Variants in ZNF574 observed in about 807,000 individuals in gnomAD.
ZNF574 encodes the protein zinc finger protein 574.
Under a neutral mutation model 56.6 loss-of-function variants are expected in ZNF574, and 25 were observed. The observed-to-expected ratio is 0.44, with a 90% CI of 0.32 to 0.62. The LOEUF is 0.62. Among genes scored for constraint, ZNF574 ranks in the 20% least tolerant of loss-of-function variants. The pLI, the probability that ZNF574 is intolerant of heterozygous loss-of-function variation, is 0.04. For missense variants in ZNF574, 1,065 were observed against 1,218.9 expected, an observed-to-expected ratio of 0.87 and a Z score of 1.88; for synonymous variants, 543 against 492.1, an observed-to-expected ratio of 1.10 and a Z score of -1.37.
chr19:42,069,651 C>T (rs1422695733), intron 1 of ZNF574, among the ~76,000 whole-genome samples: 2 of 129,500 alleles, frequency 1.5e-5, no homozygotes, highest in Admixed American at 1.7e-4. Context: ...CCGGGCCGGC[C>T]TGGGGGGGCC....
At position 42,078,689 on chromosome 19, in the gene ZNF574, T is replaced by C; in HGVS notation, c.83T>C (p.Leu28Pro). 1.2e-6 allele frequency: 2 copies of C among 1,614,066 alleles called. No individual in the cohort carries two copies. Among genetic ancestry groups the C allele is most frequent in the Non-Finnish European group, 1.7e-6 (2 of 1,179,986 alleles). Residue 28 changes from leucine (L) to proline (P), a missense_variant, in exon 2 of 2, where the codon CTG becomes CCG. Physicochemically the swap from Leu to Pro is moderately conservative, Grantham distance 98. Coordinates refer to ENST00000359044, the MANE Select transcript of ZNF574 (RefSeq NM_022752.6). The stretch of plus-strand genomic sequence containing the variant: ...GAGTGCAACCAGCTGTATGGATCAC[T>C]GGAAGAGGTGCTTATGCACCAAAAC... ...CSECNQLYGS[L>P]EEVLMHQNSH... is the part of the protein sequence containing the mutation.
chr19:42,079,486 C>T lies in ZNF574; in HGVS notation c.880C>T (p.Arg294Trp), dbSNP rs754665702. The part of the protein sequence containing the change: ...IGRDRRGRRA[R>W]RNNSGEAGGA... Reference sequence around the variant, plus strand: ...GCGGGATCGCCGGGGGCGCAGGGCCCGGAGGAACAACAGTGGAGAAGCAGG... The same window carrying T: ...GCGGGATCGCCGGGGGCGCAGGGCCTGGAGGAACAACAGTGGAGAAGCAGG... The change falls in exon 2 of 2, where the codon CGG becomes TGG. Residue 294 changes from arginine to tryptophan, a missense_variant. Transcript: ENST00000359044. The surrounding 1 kb of genome is among the most constrained non-coding windows in gnomAD (Gnocchi z 4.3). 8.7e-6 allele frequency: 14 copies of T among 1,613,656 alleles called. No homozygotes were observed. The highest frequency in any genetic ancestry group is 6.7e-5 in the Admixed American group (4 of 60,010).
Position 42,079,270 on chromosome 19 carries a change from C to T in ZNF574, c.664C>T (p.Leu222Phe). The change falls in exon 2 of 2, where the codon CTC becomes TTC. Residue 222 changes from leucine to phenylalanine, a missense_variant. Coordinates refer to ENST00000359044, the MANE Select transcript of ZNF574 (RefSeq NM_022752.6). The surrounding 1 kb of genome is among the most constrained non-coding windows in gnomAD (Gnocchi z 4.3). ...LLYKCSECSQ[L>F]FQLPADFLEH... is the part of the protein sequence containing the mutation. Reference sequence around the variant, plus strand: ...CTACAAGTGCTCTGAGTGCTCCCAGCTCTTCCAGCTGCCGGCGGATTTCCT... The same window carrying T: ...CTACAAGTGCTCTGAGTGCTCCCAGTTCTTCCAGCTGCCGGCGGATTTCCT... 2 of 1,614,144 alleles carry T rather than the reference C, an allele frequency of 1.2e-6. No individual in the cohort carries two copies. The highest frequency in any genetic ancestry group is 1.7e-6 in the Non-Finnish European group (2 of 1,180,020).
chr19:42,072,134 T>C (rs535919426), upstream of ZNF574, among the ~76,000 whole-genome samples: 67 of 152,008 alleles, frequency 4.4e-4, 1 homozygote, highest in Middle Eastern at 3.4e-3. Context: ...TCCTATATGA[T>C]CTGGAGAAAA....
Position 42,080,820 on chromosome 19 carries a change from A to G in ZNF574, c.2214A>G (p.Leu738=), listed in dbSNP as rs747830905. Residue 738 remains leucine (L), a synonymous_variant, in exon 2 of 2, where the codon CTA becomes CTG. Transcript: ENST00000359044. The surrounding 1 kb of genome is among the most constrained non-coding windows in gnomAD (Gnocchi z 8.5). The part of the protein sequence containing the change: ...SPAAPARRRG[L]ECSECKKLFS... The stretch of plus-strand genomic sequence containing the variant: ...CGGCCCCTGCCCGCCGCCGGGGTCT[A>G]GAGTGCAGCGAGTGCAAGAAGCTGT... 1.5e-5 allele frequency: 25 copies of G among 1,613,910 alleles called. No homozygotes were observed. The highest frequency in any genetic ancestry group is 1.9e-5 in the Non-Finnish European group (23 of 1,180,022).
rs1336835404 is a variant in ZNF574 at position 42,080,785 on chromosome 19, G to T, written c.2179G>T (p.Ala727Ser). The change falls in exon 2 of 2, where the codon GCA becomes TCA. Residue 727 changes from alanine (A) to serine (S), a missense_variant. Physicochemically the swap from Ala to Ser is moderately conservative, Grantham distance 99. Transcript: ENST00000359044. This position sits in a 1 kb window ranked among gnomAD's most constrained non-coding sequence, Gnocchi z 8.5. The part of the protein sequence containing the change: ...SPAALGSTAT[A>S]SPAAPARRRG... The stretch of plus-strand genomic sequence containing the variant: ...AGCAGCCCTTGGAAGCACTGCTACA[G>T]CATCCCCTGCGGCCCCTGCCCGCCG... 1 of 1,614,036 alleles carries T rather than the reference G, an allele frequency of 6.2e-7. No individual in the cohort carries two copies. The highest frequency in any genetic ancestry group is 2.2e-5 in the East Asian group (1 of 44,882).
chr19:42,079,567 C>G lies in ZNF574; in HGVS notation c.961C>G (p.Pro321Ala). ...AGCCTGTGACCAGCTCTTTCTCTCA[C>G]CCCACCAGCTACAGCAGCACCTGCG... ...CSACDQLFLS[P>A]HQLQQHLRSH... The change falls in exon 2 of 2, where the codon CCC (proline) becomes GCC (alanine). Residue 321 changes from proline (P) to alanine (A), a missense_variant. Pro to Ala is a conservative substitution (Grantham distance 27). Coordinates refer to ENST00000359044, the MANE Select transcript of ZNF574 (RefSeq NM_022752.6). This position sits in a 1 kb window ranked among gnomAD's most constrained non-coding sequence, Gnocchi z 4.3. 2.5e-6 allele frequency: 4 copies of G among 1,614,134 alleles called. No individual in the cohort carries two copies. The highest frequency in any genetic ancestry group is 3.4e-6 in the Non-Finnish European group (4 of 1,180,032).
At position 42,079,416 on chromosome 19, in the gene ZNF574, A is replaced by G; in HGVS notation, c.810A>G (p.Pro270=). 1 of 1,613,700 alleles carries G rather than the reference A, an allele frequency of 6.2e-7. No individual in the cohort carries two copies. Among genetic ancestry groups the G allele is most frequent in the Middle Eastern group, 1.6e-4 (1 of 6,062 alleles). Residue 270 remains proline, a synonymous_variant, in exon 2 of 2, where the codon CCA becomes CCG. Transcript: ENST00000359044. This position sits in a 1 kb window ranked among gnomAD's most constrained non-coding sequence, Gnocchi z 4.3. The part of the protein sequence containing the change: ...EVPVSQPDPL[P]ASDHSYELRN... ...CTGTGTCTCAGCCTGACCCCTTGCCAGCTTCTGACCACAGTTACGAGCTGC... is the reference window on the plus strand; with the variant it reads ...CTGTGTCTCAGCCTGACCCCTTGCCGGCTTCTGACCACAGTTACGAGCTGC...
At position 42,080,469 on chromosome 19, in the gene ZNF574, G is replaced by A. The variant is rs904153870; in HGVS notation, c.1863G>A (p.Leu621=). The A allele has an allele frequency of 6.2e-7, 1 of 1,614,064 alleles. No individual in the cohort carries two copies. The highest frequency in any genetic ancestry group is 8.5e-7 in the Non-Finnish European group (1 of 1,180,022). The change falls in exon 2 of 2, where the codon CTG becomes CTA. Residue 621 remains leucine, a synonymous_variant. Coordinates refer to ENST00000359044, the MANE Select transcript of ZNF574 (RefSeq NM_022752.6). This position sits in a 1 kb window ranked among gnomAD's most constrained non-coding sequence, Gnocchi z 8.5. ...ECPRSFLLRR[L]LEVHQLVVHA... ...CCCGCTCCTTCTTGCTGCGTCGGCTGCTGGAGGTGCACCAGCTCGTGGTCC... is the reference window on the plus strand; with the variant it reads ...CCCGCTCCTTCTTGCTGCGTCGGCTACTGGAGGTGCACCAGCTCGTGGTCC...
intron 1 of ZNF574, among the ~76,000 whole-genome samples, chr19:42,078,129 G>A (rs1411420804): frequency 6.6e-6 from 1 of 152,098 alleles, no homozygotes; most frequent in Non-Finnish European, 1.5e-5. Context: ...TGGGAGGGGT[G>A]TGGCTGGGAG....
At chr19:42,071,200 C>A (rs2076417183), upstream of ZNF574, among the ~76,000 whole-genome samples, 1 of 151,472 alleles carries the variant, frequency 6.6e-6, no homozygotes. Context: ...CCAGGGAACA[C>A]CCTGCAGCCT....
At position 42,079,316 on chromosome 19, in the gene ZNF574, T is replaced by G. The variant is rs756650458; in HGVS notation, c.710T>G (p.Phe237Cys). Reference sequence around the variant, plus strand: ...TTCCTGGAGCACCAGGCCACTCACTTCCCTGCTCCTGTACCCGAGTCTCAG... The same window carrying G: ...TTCCTGGAGCACCAGGCCACTCACTGCCCTGCTCCTGTACCCGAGTCTCAG... ...ADFLEHQATH[F>C]PAPVPESQEP... is the part of the protein sequence containing the mutation. The change falls in exon 2 of 2, where the codon TTC (phenylalanine) becomes TGC (cysteine). Residue 237 changes from phenylalanine to cysteine, a missense_variant. Physicochemically the swap from Phe to Cys is radical, Grantham distance 205 (BLOSUM62 -2). Coordinates refer to ENST00000359044, the MANE Select transcript of ZNF574 (RefSeq NM_022752.6). This position sits in a 1 kb window ranked among gnomAD's most constrained non-coding sequence, Gnocchi z 4.3. The G allele has an allele frequency of 1.9e-6, 3 of 1,613,802 alleles. No homozygotes were observed. The highest frequency in any genetic ancestry group is 2.5e-6 in the Non-Finnish European group (3 of 1,179,916).
upstream of ZNF574, among the ~76,000 whole-genome samples, chr19:42,071,546 A>G (rs1002086606): frequency 6.6e-6 from 1 of 152,050 alleles, no homozygotes; most frequent in Non-Finnish European, 1.5e-5. Flanking sequence ...TCTGACACAT[A>G]TATCTGACGC....
chr19:42,080,706 G>A lies in ZNF574; in HGVS notation c.2100G>A (p.Lys700=), dbSNP rs1568946168. The A allele has an allele frequency of 1.2e-6, 2 of 1,613,312 alleles. No individual in the cohort carries two copies. The highest frequency in any genetic ancestry group is 3.3e-5 in the Admixed American group (2 of 60,012). The change falls in exon 2 of 2, where the codon AAG becomes AAA. Residue 700 remains lysine, a synonymous_variant. Coordinates refer to ENST00000359044, the MANE Select transcript of ZNF574 (RefSeq NM_022752.6). This position sits in a 1 kb window ranked among gnomAD's most constrained non-coding sequence, Gnocchi z 8.5. ...CTGGGCCTGGAGAGGTCCTGGCTAAGGAGCCCCCTGCCCCTCGAGCCCCAC... is the reference window on the plus strand; with the variant it reads ...CTGGGCCTGGAGAGGTCCTGGCTAAAGAGCCCCCTGCCCCTCGAGCCCCAC... ...AAAGPGEVLA[K]EPPAPRAPRA...
chr19:42,071,773 G>A (rs1014634698), upstream of ZNF574, among the ~76,000 whole-genome samples: 5 of 152,138 alleles, frequency 3.3e-5, no homozygotes, highest in Non-Finnish European at 7.4e-5. Context: ...GAAGGCCGGG[G>A]CAGGTGGACC....
upstream of ZNF574, chr19:42,075,167 G>C (rs1000904965): frequency 1.2e-4 from 19 of 152,426 alleles, no homozygotes; most frequent in African/African-American, 4.6e-4. Context: ...GCAGGCGTGA[G>C]CCACCACGCC....
chr19:42,078,107 G>A (rs1434537362), intron 1 of ZNF574, among the ~76,000 whole-genome samples: 2 of 152,074 alleles, frequency 1.3e-5, no homozygotes, highest in Non-Finnish European at 2.9e-5. Context: ...CTGGGAGAAG[G>A]AGCAGAGGCC....
Position 42,080,190 on chromosome 19 carries a change from C to T in ZNF574, c.1584C>T (p.Cys528=). ...AGCGGCCCTTCCCCTGCCCTGACTG[C>T]TCCAAGCCCTTCAACTCACCTGCCA... The part of the protein sequence containing the change: ...TGERPFPCPD[C]SKPFNSPANL... The change falls in exon 2 of 2, where the codon TGC becomes TGT. Residue 528 remains cysteine, a synonymous_variant. Coordinates refer to ENST00000359044, the MANE Select transcript of ZNF574 (RefSeq NM_022752.6). The surrounding 1 kb of genome is among the most constrained non-coding windows in gnomAD (Gnocchi z 8.5). The T allele has an allele frequency of 6.2e-7, 1 of 1,613,356 alleles. No homozygotes were observed.
chr19:42,075,735 C>T (rs2076450302), upstream of ZNF574, among the ~76,000 whole-genome samples: 1 of 152,002 alleles, frequency 6.6e-6, no homozygotes, highest in Admixed American at 6.6e-5. Flanking sequence ...CTCAAGGTGC[C>T]GCGTGCCTCA....
Sources: gnomAD v4.1 joint callset for allele counts (sites outside exome capture counted in the v4.1 genomes callset) on GRCh38, gnomAD v4.1.1 for gene constraint, Gnocchi (gnomAD v3.1) non-coding constraint, MANE v1.5 for transcripts, NCBI Gene and HGNC (gene_info 2026-07-23, HGNC 2026-07-21) for gene names.